CAMKMT: variants seen among roughly 807,000 people sequenced by gnomAD.
CAMKMT encodes the protein CaM KMT.
A neutral mutation model predicts 48.0 loss-of-function variants in CAMKMT; 53 were observed. The ratio of observed to expected loss-of-function variants is 1.10; its 90% CI spans 0.89 to 1.39. The LOEUF (loss-of-function observed/expected upper bound fraction) is 1.39. Among genes scored for constraint, CAMKMT ranks in the 40% most tolerant of loss-of-function variants. CAMKMT has a pLI of 0.00. For missense variants in CAMKMT, 428 were observed against 402.7 expected, an observed-to-expected ratio of 1.06 and a Z score of -0.54; for synonymous variants, 165 against 152.3, an observed-to-expected ratio of 1.08 and a Z score of -0.61.
At chr2:44,672,073 T>C (rs755237789) in intron 3 of CAMKMT, among the ~76,000 whole-genome samples, 10 of 152,166 alleles carry the variant, frequency 6.6e-5, no homozygotes, top group Non-Finnish European at 1.5e-4. Flanking sequence ...CTCAATACCA[T>C]TCTCCCTGAC....
chr2:44,680,498 G>A (rs1675954422), intron 3 of CAMKMT, among the ~76,000 whole-genome samples: 1 of 152,174 alleles, frequency 6.6e-6, no homozygotes, highest in Non-Finnish European at 1.5e-5. Flanking sequence ...GGTCCCAGGG[G>A]TGGGGAAGTG....
chr2:44,536,388 G>A (rs1312144822), intron 3 of CAMKMT, among the ~76,000 whole-genome samples: 1 of 151,272 alleles, frequency 6.6e-6, no homozygotes, highest in Non-Finnish European at 1.5e-5. Flanking sequence ...GCAGTGGTGT[G>A]ATCTTGGCTC....
At chr2:44,693,158 T>TC (rs1170095231) in intron 3 of CAMKMT, among the ~76,000 whole-genome samples, 2 of 152,204 alleles carry the variant, frequency 1.3e-5, no homozygotes, top group African/African-American at 4.8e-5. Context: ...AGTAGTAGCC[T>TC]CCTGCCTAGT....
intron 7 of CAMKMT, among the ~76,000 whole-genome samples, chr2:44,741,183 A>T (rs1679657563): frequency 6.6e-6 from 1 of 152,240 alleles, no homozygotes; most frequent in Non-Finnish European, 1.5e-5. Context: ...ATTTTACAAA[A>T]GTATTGGTCT....
intron 1 of CAMKMT, 59 bp downstream of exon 1, chr2:44,362,204 G>C: frequency 1.5e-6 from 2 of 1,353,354 alleles, no homozygotes; most frequent in Non-Finnish European, 1.9e-6. Context: ...TCACGTACCG[G>C]GGGAGCGACT....
At chr2:44,678,349 C>T (rs368278805) in intron 3 of CAMKMT, among the ~76,000 whole-genome samples, 5 of 152,186 alleles carry the variant, frequency 3.3e-5, no homozygotes, top group African/African-American at 1.2e-4. Flanking sequence ...CATGTCTGTA[C>T]TTCTCTAAAT....
chr2:44,699,472 A>G (rs1266200004), intron 3 of CAMKMT, among the ~76,000 whole-genome samples: 1 of 152,204 alleles, frequency 6.6e-6, no homozygotes, highest in Admixed American at 6.5e-5. Context: ...TTTTCGGAGC[A>G]GTAGGTCTTA....
intron 3 of CAMKMT, among the ~76,000 whole-genome samples, chr2:44,420,587 C>A (rs376852533): frequency 2.0e-5 from 3 of 151,128 alleles, no homozygotes; most frequent in African/African-American, 7.3e-5. Context: ...ATATTTTTTT[C>A]TCTTCTTTTT....
intron 7 of CAMKMT, among the ~76,000 whole-genome samples, chr2:44,727,599 T>G (rs754643512): frequency 1.3e-5 from 2 of 152,202 alleles, no homozygotes; most frequent in Non-Finnish European, 2.9e-5. Flanking sequence ...TACCTTTTAT[T>G]TCTTTCTCTT....
chr2:44,696,853 A>G (rs1676985248), intron 3 of CAMKMT, among the ~76,000 whole-genome samples: 1 of 152,180 alleles, frequency 6.6e-6, no homozygotes, highest in African/African-American at 2.4e-5. Context: ...AATAATTAAG[A>G]CATTGCATTC....
chr2:44,541,051 T>A (rs902194887), intron 3 of CAMKMT, among the ~76,000 whole-genome samples: 4 of 152,222 alleles, frequency 2.6e-5, no homozygotes, highest in Admixed American at 6.5e-5. Flanking sequence ...CTGTACCTTT[T>A]GTTCTATTCT....
At chr2:44,461,201 A>C (rs913487246) in intron 3 of CAMKMT, among the ~76,000 whole-genome samples, 3 of 152,218 alleles carry the variant, frequency 2.0e-5, no homozygotes, top group African/African-American at 7.2e-5. Flanking sequence ...AGAAAAATTA[A>C]GGGCTTTTGT....
chr2:44,708,096 TTAAC>T (rs1260626873), intron 6 of CAMKMT, among the ~76,000 whole-genome samples: 3 of 152,050 alleles, frequency 2.0e-5, no homozygotes, highest in Admixed American at 6.6e-5. Context: ...GAACTGTACT[TTAAC>T]TAAGAAAGCA....
intron 7 of CAMKMT, among the ~76,000 whole-genome samples, chr2:44,728,542 C>G (rs1389268014): frequency 6.6e-6 from 1 of 152,170 alleles, no homozygotes; most frequent in Non-Finnish European, 1.5e-5. Context: ...GTGAATCCAT[C>G]TGGTCCAGGG....
At chr2:44,561,250 G>A (rs533313322) in intron 3 of CAMKMT, among the ~76,000 whole-genome samples, 31 of 152,086 alleles carry the variant, frequency 2.0e-4, no homozygotes, top group Admixed American at 5.2e-4. Flanking sequence ...ACATTACTAC[G>A]TCTTACCAAA....
rs538945765 is a variant in CAMKMT, at chr2:44,598,428, G to T, written c.377-105855G>T. ...AAGTTCCAGTTTTCTCGTGGAATTG[G>T]TTGAAAGGCTTTATTCAACATTAAG... On this transcript the variant is annotated intron_variant, in intron 3 of 10. Coordinates refer to ENST00000378494, the MANE Select transcript of CAMKMT (RefSeq NM_024766.5). Among the ~76,000 whole-genome samples, 25 of 151,958 alleles carry T rather than the reference G, an allele frequency of 1.6e-4. 1 individual carries two copies. The South Asian group carries it at 5.0e-3, about 30-fold the overall frequency.
intron 3 of CAMKMT, among the ~76,000 whole-genome samples, chr2:44,666,610 A>ATTTTTTTTTT (rs1674984437): frequency 7.1e-6 from 1 of 140,518 alleles, no homozygotes; most frequent in African/African-American, 3.0e-5. Context: ...GGCTCCTGGA[A>ATTTTTTTTTT]TCTTTTTTTT....
At chr2:44,532,817 G>GA (rs763213732) in intron 3 of CAMKMT, among the ~76,000 whole-genome samples, 17,365 of 146,080 alleles carry the variant, frequency 0.12, 1,279 homozygotes, top group African/African-American at 0.19. Flanking sequence ...TGCCATTAAA[G>GA]TTTTTTTTTT....
At position 44,495,855 on chromosome 2, in the gene CAMKMT, A is replaced by G. The variant is rs143344761; in HGVS notation, c.376+105550A>G. ...CAGCTAAAAGTTTTATTCTCCTTCT[A>G]TTGGGTTGCTTTTGAGTAGATCCAA... On this transcript the variant is annotated intron_variant, in intron 3 of 10. Coordinates refer to ENST00000378494, the MANE Select transcript of CAMKMT (RefSeq NM_024766.5). Among the ~76,000 whole-genome samples, 14 of 152,294 alleles carry G rather than the reference A, an allele frequency of 9.2e-5. No individual in the cohort carries two copies. The East Asian group carries it at 2.1e-3, about 23-fold the overall frequency.
Sources: allele counts gnomAD v4.1 joint callset (sites outside exome capture counted in the v4.1 genomes callset), GRCh38; gene constraint gnomAD v4.1.1; transcripts MANE v1.5; gene names NCBI Gene and HGNC (gene_info 2026-07-23, HGNC 2026-07-21).